The following TFEB variants were observed in gnomAD, a reference collection of about 807,000 sequenced individuals.
TFEB encodes the protein T-cell transcription factor EB.
TFEB carries 12 observed loss-of-function variants against 48.0 expected under a neutral mutation model. That is an observed-to-expected ratio of 0.25 (90% CI 0.16 to 0.40). The LOEUF is 0.40. Ranked by LOEUF, TFEB falls within the 10% of genes least tolerant of loss-of-function variation. The pLI is 1.00. For missense variants in TFEB, 509 were observed against 640.3 expected (o/e 0.79, Z 2.21); for synonymous variants, 244 against 261.4 (o/e 0.93, Z 0.64).
chr6:41,735,037 G>A (rs1771620531), intron 1 of TFEB: 3 of 985,354 alleles, frequency 3.0e-6, no homozygotes, highest in Non-Finnish European at 3.6e-6. Context: ...GCTCCGGGCC[G>A]GGAAGGCCCA....
intron 1 of TFEB, chr6:41,733,978 G>T (rs1771560098): frequency 8.2e-6 from 5 of 609,264 alleles, no homozygotes; most frequent in Admixed American, 1.3e-4. Flanking sequence ...CACCCCAGAG[G>T]TGTCACTGGG....
At chr6:41,710,401 C>T (rs1009286853) in intron 1 of TFEB, among the ~76,000 whole-genome samples, 1 of 152,166 alleles carries the variant, frequency 6.6e-6, no homozygotes, top group African/African-American at 2.4e-5. Context: ...GGTAAAAGCA[C>T]AGCAGGGACA....
In TFEB at chr6:41,734,423, G is replaced by A. The variant is rs1428961484; in HGVS notation, c.-23+927C>T. On this transcript the variant is annotated intron_variant, in intron 1 of 8. Transcript: ENST00000373033. The surrounding 1 kb of genome is among the most constrained non-coding windows in gnomAD (Gnocchi z 4.0). ...AAGCCGGAACCCCGCGCGGGGAGGG[G>A]GCCGAGCTGGCATCTGCCCGCTCCC... 2 of 976,764 alleles carry A rather than the reference G, an allele frequency of 2.0e-6. No individual in the cohort carries two copies. The highest frequency in any genetic ancestry group is 2.4e-6 in the Non-Finnish European group (2 of 822,300). 60.5% of individuals were successfully genotyped at this position (976,764 alleles called of 1,614,324 possible).
At chr6:41,702,154 A>T (rs1769966186) in intron 1 of TFEB, among the ~76,000 whole-genome samples, 1 of 151,628 alleles carries the variant, frequency 6.6e-6, no homozygotes, top group South Asian at 2.1e-4. Flanking sequence ...CCCTCATCCC[A>T]TGTCACCCTC....
intron 1 of TFEB, among the ~76,000 whole-genome samples, chr6:41,701,681 A>G (rs943135604): frequency 6.6e-6 from 1 of 152,218 alleles, no homozygotes; most frequent in Non-Finnish European, 1.5e-5. Context: ...GCAGTGGCTC[A>G]TGCCTGTAAT....
chr6:41,686,447 A>C, intron 7 of TFEB: 1 of 505,764 alleles, frequency 2.0e-6, no homozygotes, highest in Non-Finnish European at 3.4e-6. Context: ...ATCTCATGAA[A>C]CCAGGCAATT....
At chr6:41,702,870 C>A (rs9369305) in intron 1 of TFEB, among the ~76,000 whole-genome samples, 2 of 152,160 alleles carry the variant, frequency 1.3e-5, no homozygotes, top group East Asian at 1.9e-4. Context: ...TCCCCCTCTC[C>A]GGGACTCAAG....
At chr6:41,709,212 C>G (rs1373513366) in intron 1 of TFEB, among the ~76,000 whole-genome samples, 1 of 152,200 alleles carries the variant, frequency 6.6e-6, no homozygotes, top group East Asian at 1.9e-4. Flanking sequence ...CAACAGAGGC[C>G]ATTTGATTAA....
intron 4 of TFEB, 173 bp from the exon 5 acceptor site, chr6:41,688,201 A>AT: frequency 1.3e-6 from 1 of 744,474 alleles, no homozygotes; most frequent in South Asian, 2.1e-5. Flanking sequence ...GTCCAGAGCT[A>AT]TTATAAGATG....
intron 1 of TFEB, among the ~76,000 whole-genome samples, chr6:41,703,319 G>T (rs1429139506): frequency 6.6e-6 from 1 of 152,176 alleles, no homozygotes; most frequent in Admixed American, 6.5e-5. Flanking sequence ...CCCTGCATCT[G>T]TCCTGAGTTC....
At position 41,691,649 on chromosome 6, in the gene TFEB, C is replaced by G. The variant is rs1211250841; in HGVS notation, c.-22-414G>C. Reference sequence around the variant, plus strand: ...CAGGAGTAGCCCAGTGTTCAGACTGCCTCCTCTGGCTTGCCCTAGGACGTT... The same window carrying G: ...CAGGAGTAGCCCAGTGTTCAGACTGGCTCCTCTGGCTTGCCCTAGGACGTT... On this transcript the variant is annotated intron_variant, in intron 1 of 8. Coordinates refer to ENST00000373033, the MANE Select transcript of TFEB (RefSeq NM_001271944.2). The surrounding 1 kb of genome is among the most constrained non-coding windows in gnomAD (Gnocchi z 5.2). Among the ~76,000 whole-genome samples, 1 of 152,104 alleles carries G rather than the reference C, an allele frequency of 6.6e-6. No individual in the cohort carries two copies. Among genetic ancestry groups the G allele is most frequent in the Non-Finnish European group, 1.5e-5 (1 of 68,016 alleles).
At chr6:41,709,174 C>T (rs1237209225) in intron 1 of TFEB, among the ~76,000 whole-genome samples, 6 of 152,192 alleles carry the variant, frequency 3.9e-5, no homozygotes, top group South Asian at 2.1e-4. Flanking sequence ...TATTATGTTC[C>T]GCACTTAGAA....
At chr6:41,695,582 A>C (rs1305752922) in intron 1 of TFEB, among the ~76,000 whole-genome samples, 1 of 152,206 alleles carries the variant, frequency 6.6e-6, no homozygotes, top group Non-Finnish European at 1.5e-5. Context: ...ATTAAGTAGC[A>C]GAATGGAGAT....
At chr6:41,700,496 A>G (rs1769857679) in intron 1 of TFEB, among the ~76,000 whole-genome samples, 1 of 151,964 alleles carries the variant, frequency 6.6e-6, no homozygotes, top group Non-Finnish European at 1.5e-5. Context: ...ATCAAGAAAC[A>G]AAGAATGAAT....
chr6:41,731,259 C>T (rs780744821), intron 1 of TFEB, among the ~76,000 whole-genome samples: 18 of 152,256 alleles, frequency 1.2e-4, no homozygotes, highest in East Asian at 7.7e-4. Context: ...GAGGCTCACA[C>T]AGTGTTAAGT....
intron 1 of TFEB, among the ~76,000 whole-genome samples, chr6:41,694,160 G>T (rs1006946598): frequency 1.3e-5 from 2 of 152,194 alleles, no homozygotes; most frequent in Non-Finnish European, 2.9e-5. Context: ...GCGTGGACTG[G>T]AGCTGGCTTT....
intron 1 of TFEB, among the ~76,000 whole-genome samples, chr6:41,702,960 GGCA>G (rs889572114): frequency 5.3e-5 from 8 of 152,334 alleles, no homozygotes; most frequent in African/African-American, 1.9e-4. Flanking sequence ...TGATGGTTCT[GGCA>G]GCATGGATGT....
intron 1 of TFEB, among the ~76,000 whole-genome samples, chr6:41,693,103 T>C (rs1251571381): frequency 1.3e-5 from 2 of 152,000 alleles, no homozygotes; most frequent in Non-Finnish European, 2.9e-5. Flanking sequence ...AACTGATCAG[T>C]GTGGACCAGA....
chr6:41,727,157 C>G (rs554520113), intron 1 of TFEB, among the ~76,000 whole-genome samples: 1 of 152,246 alleles, frequency 6.6e-6, no homozygotes, highest in African/African-American at 2.4e-5. Flanking sequence ...CTCACCCTAC[C>G]GTGGACCATT....
Sources: gnomAD v4.1 joint callset for allele counts (sites outside exome capture counted in the v4.1 genomes callset) on GRCh38, gnomAD v4.1.1 for gene constraint, Gnocchi (gnomAD v3.1) non-coding constraint, MANE v1.5 for transcripts, NCBI Gene and HGNC (gene_info 2026-07-23, HGNC 2026-07-21) for gene names.